NALCN: variants seen among roughly 807,000 people sequenced by gnomAD.
The protein encoded by NALCN is sodium leak channel, non-selective, also known as sodium leak channel NALCN.
Under a neutral mutation model 225.3 loss-of-function variants are expected in NALCN, and 111 were observed. The observed-to-expected ratio is 0.49, with a 90% CI of 0.42 to 0.58. The LOEUF is 0.58. Ranked by LOEUF, NALCN falls within the 20% of genes least tolerant of loss-of-function variation. The pLI is 0.00. For missense variants in NALCN, 1,378 were observed against 2,202.4 expected (o/e 0.63, Z 7.49); for synonymous variants, 764 against 769.0 (o/e 0.99, Z 0.11).
intron 40 of NALCN, among the ~76,000 whole-genome samples, chr13:101,065,142 C>T (rs2081138279): frequency 6.6e-6 from 1 of 152,202 alleles, no homozygotes; most frequent in African/African-American, 2.4e-5. Context: ...CCTCGGGGTG[C>T]ACCTCAGTGG....
intron 10 of NALCN, among the ~76,000 whole-genome samples, chr13:101,280,182 T>G (rs1016138296): frequency 1.3e-5 from 2 of 152,228 alleles, no homozygotes; most frequent in Non-Finnish European, 2.9e-5. Flanking sequence ...TTCCATGCAC[T>G]CTTCATTGCT....
chr13:101,127,047 T>C (rs2036268140), intron 17 of NALCN, among the ~76,000 whole-genome samples: 1 of 152,158 alleles, frequency 6.6e-6, no homozygotes, highest in Non-Finnish European at 1.5e-5. Context: ...CAATGACATG[T>C]GTTAGTTGTC....
chr13:101,320,966 A>C (rs1285649314), intron 7 of NALCN, among the ~76,000 whole-genome samples: 1 of 152,158 alleles, frequency 6.6e-6, no homozygotes, highest in Non-Finnish European at 1.5e-5. Flanking sequence ...GCAGAGCAAC[A>C]CCGTTAATTT....
At position 101,107,619 on chromosome 13, in the gene NALCN, G is replaced by T. The variant is rs767535038; in HGVS notation, c.2457-10C>A. The stretch of plus-strand genomic sequence containing the variant: ...CTCTTCTTGCACTTTCCTTGAAGGA[G>T]AAATTCATGGGAGAATGAGGCTAAG... On this transcript the variant is annotated splice_polypyrimidine_tract_variant and intron_variant, in intron 21 of 43. Coordinates refer to ENST00000251127, the MANE Select transcript of NALCN (RefSeq NM_052867.4). 6.2e-7 allele frequency: 1 copy of T among 1,613,960 alleles called. No individual in the cohort carries two copies. Among genetic ancestry groups the T allele is most frequent in the African/African-American group, 1.3e-5 (1 of 74,932 alleles).
chr13:101,151,885 C>T (rs2037668771), intron 15 of NALCN, among the ~76,000 whole-genome samples: 1 of 152,116 alleles, frequency 6.6e-6, no homozygotes, highest in Admixed American at 6.5e-5. Flanking sequence ...CAAAGAATAT[C>T]CCTCACTGGC....
chr13:101,321,607 A>G (rs1459087668), intron 7 of NALCN, among the ~76,000 whole-genome samples: 1 of 152,208 alleles, frequency 6.6e-6, no homozygotes, highest in Admixed American at 6.5e-5. Context: ...TCATGCAAGT[A>G]TATTAATACT....
intron 13 of NALCN, among the ~76,000 whole-genome samples, chr13:101,222,397 C>T (rs534484551): frequency 1.3e-5 from 2 of 152,286 alleles, no homozygotes; most frequent in South Asian, 2.1e-4. Flanking sequence ...CTAATCCCGC[C>T]TCTCTTTTAC....
intron 6 of NALCN, among the ~76,000 whole-genome samples, chr13:101,354,917 C>T (rs78873044): frequency 0.032 from 4,918 of 152,204 alleles, 270 homozygotes; most frequent in African/African-American, 0.11. Context: ...TACTCCTCAG[C>T]GCTGGAGGTG....
intron 27 of NALCN, among the ~76,000 whole-genome samples, chr13:101,098,687 T>G (rs1020492902): frequency 6.6e-6 from 1 of 152,172 alleles, no homozygotes; most frequent in Admixed American, 6.5e-5. Context: ...ACTTTCCCCC[T>G]TTCTTTGGAT....
chr13:101,093,290 A>G (rs2034331462), intron 28 of NALCN, among the ~76,000 whole-genome samples: 1 of 152,250 alleles, frequency 6.6e-6, no homozygotes, highest in Non-Finnish European at 1.5e-5. Context: ...TCCTAATTAT[A>G]ATTACCAAAG....
chr13:101,244,455 G>C (rs1178061550), intron 11 of NALCN, among the ~76,000 whole-genome samples: 1 of 152,118 alleles, frequency 6.6e-6, no homozygotes, highest in Non-Finnish European at 1.5e-5. Context: ...TTAGCAAATT[G>C]TTATGTGATT....
chr13:101,318,129 T>C (rs896502126), intron 7 of NALCN, among the ~76,000 whole-genome samples: 2 of 152,226 alleles, frequency 1.3e-5, no homozygotes, highest in Non-Finnish European at 2.9e-5. Context: ...GAAACCTCTG[T>C]AGCCAGTGGC....
chr13:101,314,707 C>T (rs2044488862), intron 7 of NALCN, among the ~76,000 whole-genome samples: 1 of 152,178 alleles, frequency 6.6e-6, no homozygotes, highest in Non-Finnish European at 1.5e-5. Context: ...GCAAATTATA[C>T]TGAACAAAAA....
chr13:101,402,467 C>G (rs189815800), intron 1 of NALCN, among the ~76,000 whole-genome samples: 2,689 of 152,280 alleles, frequency 0.018, 40 homozygotes, highest in South Asian at 0.044. Context: ...TTCATTCCAG[C>G]CCCGTCTTCA....
intron 10 of NALCN, among the ~76,000 whole-genome samples, chr13:101,262,606 C>CTTA (rs2042466009): frequency 1.3e-5 from 2 of 152,182 alleles, no homozygotes; most frequent in Non-Finnish European, 2.9e-5. Context: ...CCTTGCAGCT[C>CTTA]AAAGAGCTAT....
At chr13:101,161,003 T>C (rs1309324192) in intron 15 of NALCN, among the ~76,000 whole-genome samples, 1 of 152,188 alleles carries the variant, frequency 6.6e-6, no homozygotes, top group African/African-American at 2.4e-5. Flanking sequence ...AGTTATTAAA[T>C]GTTGCTCTTC....
At chr13:101,271,066 G>C (rs1055516847) in intron 10 of NALCN, among the ~76,000 whole-genome samples, 1 of 152,088 alleles carries the variant, frequency 6.6e-6, no homozygotes, top group African/African-American at 2.4e-5. Context: ...TATAATAGGA[G>C]ACAGGAATTT....
At chr13:101,100,672 CAG>C in intron 27 of NALCN, 110 bp downstream of exon 27, 1 of 819,194 alleles carries the variant, frequency 1.2e-6, no homozygotes, top group African/African-American at 1.9e-5. Context: ...CCTTGACCTC[CAG>C]TTTCAAGTAA....
intron 15 of NALCN, among the ~76,000 whole-genome samples, chr13:101,155,512 C>T (rs111431731): frequency 2.2e-4 from 33 of 152,210 alleles, no homozygotes; most frequent in African/African-American, 7.7e-4. Flanking sequence ...ATTTTTGGGA[C>T]AAATACCATG....
Sources: gnomAD v4.1 joint callset for allele counts (sites outside exome capture counted in the v4.1 genomes callset) on GRCh38, gnomAD v4.1.1 for gene constraint, MANE v1.5 for transcripts, NCBI Gene and HGNC (gene_info 2026-07-23, HGNC 2026-07-21) for gene names.